TRPM3: variants seen among roughly 807,000 people sequenced by gnomAD.
The protein encoded by TRPM3 is transient receptor potential cation channel subfamily M member 3.
In TRPM3, 77 loss-of-function variants were observed where a neutral mutation model predicts 181.2. The ratio of observed to expected loss-of-function variants is 0.42; its 90% CI spans 0.35 to 0.51. The LOEUF (loss-of-function observed/expected upper bound fraction) is 0.51, where lower values mean the gene tolerates loss of function less well. Among genes scored for constraint, TRPM3 ranks in the 20% least tolerant of loss-of-function variants. TRPM3 has a pLI of 0.01. For missense variants in TRPM3, 1,759 were observed against 2,196.7 expected (o/e 0.80, Z 3.98); for synonymous variants, 745 against 796.4 (o/e 0.94, Z 1.09).
At chr9:70,684,316 G>A (rs140811620) in intron 8 of TRPM3, among the ~76,000 whole-genome samples, 10 of 152,242 alleles carry the variant, frequency 6.6e-5, no homozygotes, top group African/African-American at 2.4e-4. Context: ...CTGGAAAACC[G>A]ATGTGGGGGC....
At chr9:70,582,733 T>C (rs2056212078) in intron 22 of TRPM3, among the ~76,000 whole-genome samples, 1 of 152,230 alleles carries the variant, frequency 6.6e-6, no homozygotes, top group Non-Finnish European at 1.5e-5. Context: ...AATATAGATC[T>C]AGATGAGTAC....
intron 1 of TRPM3, among the ~76,000 whole-genome samples, chr9:71,073,672 G>T (rs1329477980): frequency 1.3e-5 from 2 of 151,954 alleles, no homozygotes; most frequent in Admixed American, 6.6e-5. Context: ...TTTAGAAAAT[G>T]TTATTTCTTG....
Position 70,698,572 on chromosome 9 carries a change from C to T in TRPM3, c.1273-16994G>A, listed in dbSNP as rs369934829. 1.4e-3 allele frequency among the ~76,000 whole-genome samples: 218 copies of T among 152,252 alleles called. 2 individuals carry two copies. Among genetic ancestry groups the T allele is most frequent in the African/African-American group, 4.9e-3 (202 of 41,538 alleles). ...GGTGAGTTTTAATTTGACACTAGGTCTGCAGCAAGAGAAAGTATAGGTGTT... is the reference window on the plus strand; with the variant it reads ...GGTGAGTTTTAATTTGACACTAGGTTTGCAGCAAGAGAAAGTATAGGTGTT... On this transcript the variant is annotated intron_variant, in intron 8 of 25. Transcript: ENST00000677713.
chr9:70,606,649 GTGTATA>G (rs994014805), intron 19 of TRPM3, among the ~76,000 whole-genome samples: 9 of 77,818 alleles, frequency 1.2e-4, no homozygotes, highest in Non-Finnish European at 9.4e-5. Context: ...GTGTGTGTGT[GTGTATA>G]TATATATATA....
chr9:70,903,259 A>T (rs1010122397), intron 1 of TRPM3, among the ~76,000 whole-genome samples: 10 of 152,362 alleles, frequency 6.6e-5, no homozygotes, highest in African/African-American at 2.4e-4. Context: ...TTGGCCCATC[A>T]GCAGGGCTTT....
At chr9:71,151,543 T>C (rs1243643854) in intron 1 of TRPM3, among the ~76,000 whole-genome samples, 1 of 152,036 alleles carries the variant, frequency 6.6e-6, no homozygotes. Context: ...TGAAGGGCAA[T>C]TTGGCCATCT....
intron 1 of TRPM3, among the ~76,000 whole-genome samples, chr9:71,150,175 A>G (rs2075656198): frequency 6.6e-6 from 1 of 152,148 alleles, no homozygotes; most frequent in African/African-American, 2.4e-5. Flanking sequence ...TAAATAACAA[A>G]CACAACTAAT....
intron 1 of TRPM3, among the ~76,000 whole-genome samples, chr9:71,195,732 G>A (rs1164766420): frequency 6.6e-6 from 1 of 151,922 alleles, no homozygotes; most frequent in East Asian, 1.9e-4. Context: ...GGAAGACTGG[G>A]GTAAGAAAAT....
intron 1 of TRPM3, among the ~76,000 whole-genome samples, chr9:70,961,545 A>G (rs1300526236): frequency 1.3e-5 from 2 of 152,144 alleles, no homozygotes; most frequent in African/African-American, 2.4e-5. Context: ...TTCATCCTGA[A>G]GTCACTTCTG....
At chr9:71,021,963 A>T (rs2097850650) in intron 1 of TRPM3, among the ~76,000 whole-genome samples, 2 of 152,228 alleles carry the variant, frequency 1.3e-5, no homozygotes, top group Admixed American at 1.3e-4. Context: ...CTAAAATGCA[A>T]ACAAGTAAAA....
intron 1 of TRPM3, among the ~76,000 whole-genome samples, chr9:71,231,252 A>G (rs1296780377): frequency 6.6e-6 from 1 of 152,184 alleles, no homozygotes; most frequent in Non-Finnish European, 1.5e-5. Flanking sequence ...GCCCAATTCA[A>G]TATGAGAGTC....
Position 71,132,322 on chromosome 9 carries a change from C to A in TRPM3, c.184-267811G>T, listed in dbSNP as rs78250433. Among the ~76,000 whole-genome samples, 534 of 151,186 alleles carry A rather than the reference C, an allele frequency of 3.5e-3. 3 individuals are homozygous for A. The highest frequency in any genetic ancestry group is 0.012 in the African/African-American group (494 of 41,468). On this transcript the variant is annotated intron_variant, in intron 1 of 24. Transcript: ENST00000357533. ...CTCTACAGTTAATTCTTGGAGGGAA[C>A]CACACACTGAGCATTATTTCAAAAT...
chr9:71,205,073 G>A (rs1037388983), intron 1 of TRPM3, among the ~76,000 whole-genome samples: 4 of 151,924 alleles, frequency 2.6e-5, no homozygotes, highest in Non-Finnish European at 5.9e-5. Flanking sequence ...TGGGGTGGGG[G>A]GAGCAGGGAG....
At chr9:70,823,771 A>G (rs1011218746) in intron 6 of TRPM3, among the ~76,000 whole-genome samples, 1 of 152,264 alleles carries the variant, frequency 6.6e-6, no homozygotes, top group African/African-American at 2.4e-5. Context: ...TAGGAATTCG[A>G]TAAGTATTTA....
intron 14 of TRPM3, among the ~76,000 whole-genome samples, chr9:70,622,590 T>C (rs1351840618): frequency 2.6e-5 from 4 of 152,238 alleles, no homozygotes; most frequent in Non-Finnish European, 1.5e-5. Context: ...ATGCTGGGAA[T>C]GTGCAAAACA....
At chr9:70,992,178 A>C (rs901826965) in intron 1 of TRPM3, among the ~76,000 whole-genome samples, 50 of 152,212 alleles carry the variant, frequency 3.3e-4, no homozygotes, top group African/African-American at 1.2e-3. Flanking sequence ...GATGCCCAGC[A>C]CATTGTGGTC....
At position 71,307,474 on chromosome 9, in the gene TRPM3, G is replaced by A. The variant is rs185723146; in HGVS notation, c.183+139179C>T. On this transcript the variant is annotated intron_variant, in intron 1 of 24. Transcript: ENST00000357533. ...ACTGTAATTTTTAGAAATTATTGTA[G>A]TAAATTATATAAAACATGCATCTAA... is the stretch of plus-strand genomic sequence containing the variant. 1.4e-3 allele frequency among the ~76,000 whole-genome samples: 207 copies of A among 151,996 alleles called. 2 individuals carry two copies. Among genetic ancestry groups the A allele is most frequent in the Admixed American group, 0.012 (181 of 15,254 alleles).
chr9:71,264,135 A>T (rs907978789), intron 1 of TRPM3, among the ~76,000 whole-genome samples: 10 of 152,094 alleles, frequency 6.6e-5, no homozygotes, highest in Non-Finnish European at 1.2e-4. Context: ...GATCTAGCCC[A>T]CACAATTAGT....
chr9:70,628,274 T>C (rs76698052), intron 12 of TRPM3, among the ~76,000 whole-genome samples: 17,356 of 152,176 alleles, frequency 0.11, 1,086 homozygotes, highest in East Asian at 0.23. Context: ...CGTGTCATTT[T>C]CCCTGGCAGG....
Sources: gnomAD v4.1 joint callset for allele counts (sites outside exome capture counted in the v4.1 genomes callset) on GRCh38, gnomAD v4.1.1 for gene constraint, MANE v1.5 for transcripts, NCBI Gene and HGNC (gene_info 2026-07-23, HGNC 2026-07-21) for gene names.